Variants in SDK1 observed in about 807,000 individuals in gnomAD.
SDK1 encodes protein sidekick-1.
In SDK1, 157 loss-of-function variants were observed where a neutral mutation model predicts 245.5. The ratio of observed to expected loss-of-function variants is 0.64; its 90% CI spans 0.56 to 0.73. The LOEUF (loss-of-function observed/expected upper bound fraction) is 0.73. Ranked by LOEUF, SDK1 falls within the 30% of genes least tolerant of loss-of-function variation. The pLI, the probability that SDK1 is intolerant of heterozygous loss-of-function variation, is 0.00. For synonymous variants in SDK1, 1,647 were observed against 1,278.5 expected (o/e 1.29, Z -6.15); for missense variants, 3,583 against 3,002.3 (o/e 1.19, Z -4.52).
At chr7:3,329,255 G>A (rs919494343) in intron 1 of SDK1, among the ~76,000 whole-genome samples, 11 of 152,090 alleles carry the variant, frequency 7.2e-5, no homozygotes, top group African/African-American at 2.7e-4. Flanking sequence ...ACGTCCATGA[G>A]GCACTCTTTG....
intron 16 of SDK1, among the ~76,000 whole-genome samples, chr7:4,015,070 TGTATATATATTTAGGGA>T (rs1358066012): frequency 6.6e-6 from 1 of 152,158 alleles, no homozygotes; most frequent in African/African-American, 2.4e-5. Flanking sequence ...TGTTTAAAAA[TGTATATATATTTAGGGA>T]GTGCTTTACA....
chr7:3,590,111 A>G (rs1780816800), intron 1 of SDK1, among the ~76,000 whole-genome samples: 1 of 152,206 alleles, frequency 6.6e-6, no homozygotes, highest in Non-Finnish European at 1.5e-5. Context: ...ACAGACTTAT[A>G]AAATGGAAAA....
At chr7:4,220,891 C>G (rs370276867) in intron 39 of SDK1, among the ~76,000 whole-genome samples, 3 of 135,948 alleles carry the variant, frequency 2.2e-5, no homozygotes, top group African/African-American at 8.0e-5. Flanking sequence ...CCCCACCCCC[C>G]ACCCCGCCTC....
chr7:3,869,448 G>C (rs35858244), intron 5 of SDK1, among the ~76,000 whole-genome samples: 1 of 152,028 alleles, frequency 6.6e-6, no homozygotes, highest in African/African-American at 2.4e-5. Context: ...GAGCCACCAC[G>C]CCTGGCCTGT....
At chr7:3,419,392 T>C (rs1288893449) in intron 1 of SDK1, among the ~76,000 whole-genome samples, 1 of 152,182 alleles carries the variant, frequency 6.6e-6, no homozygotes, top group East Asian at 1.9e-4. Context: ...CTCTGCCCTT[T>C]TGCTCATGTT....
chr7:3,860,102 A>G lies in SDK1; in HGVS notation c.847+38519A>G, dbSNP rs556722180. Among the ~76,000 whole-genome samples, 9 of 152,054 alleles carry G rather than the reference A, an allele frequency of 5.9e-5. No individual in the cohort carries two copies. In the South Asian group the frequency reaches 1.9e-3, roughly 32 times the overall value. On this transcript the variant is annotated intron_variant, in intron 5 of 44. Coordinates refer to ENST00000404826, the MANE Select transcript of SDK1 (RefSeq NM_152744.4). Reference sequence around the variant, plus strand: ...TCCTGGCTAAGTTTTTTGTATTTTTAGTAGGGTCGGGGTTTCACCAAGTTA... The same window carrying G: ...TCCTGGCTAAGTTTTTTGTATTTTTGGTAGGGTCGGGGTTTCACCAAGTTA...
At chr7:3,813,962 T>C (rs1165405584) in intron 4 of SDK1, among the ~76,000 whole-genome samples, 2 of 131,772 alleles carry the variant, frequency 1.5e-5, no homozygotes, top group Non-Finnish European at 3.1e-5. Context: ...TGGGGTTGTT[T>C]GTTTTTTTCT....
At chr7:3,982,888 T>C (rs1210890350) in intron 13 of SDK1, among the ~76,000 whole-genome samples, 2 of 151,120 alleles carry the variant, frequency 1.3e-5, no homozygotes, top group South Asian at 2.1e-4. Flanking sequence ...GATCACAATA[T>C]CAATATTAAC....
rs71029682 is a variant in SDK1, at chr7:3,582,683, T to TAAAAAAAAAAAAAAAAAAAAAAA, written c.299-36393_299-36371dup. ...ATGTAGCCCTGAACCTAAACTAAAG[T>TAAAAAAAAAAAAAAAAAAAAAAA]AAAAAAAAAAAAAAAAAAAAAAAAA... is the stretch of plus-strand genomic sequence containing the variant. On this transcript the variant is annotated intron_variant, in intron 1 of 44. Transcript: ENST00000404826. Among the ~76,000 whole-genome samples, 83 of 69,680 alleles carry TAAAAAAAAAAAAAAAAAAAAAAA rather than the reference T, an allele frequency of 1.2e-3. 4 individuals carry two copies. Among genetic ancestry groups the TAAAAAAAAAAAAAAAAAAAAAAA allele is most frequent in the South Asian group, 2.2e-3 (3 of 1,386 alleles). The allele number at this position is 69,680 out of a possible 152,430, so 45.7% of individuals were successfully genotyped here.
chr7:4,183,068 G>C (rs1248672111), intron 35 of SDK1, among the ~76,000 whole-genome samples: 3 of 152,176 alleles, frequency 2.0e-5, no homozygotes, highest in Non-Finnish European at 4.4e-5. Context: ...AGTGGGTGCT[G>C]CTGATTGGCT....
intron 5 of SDK1, among the ~76,000 whole-genome samples, chr7:3,866,599 A>G (rs866423862): frequency 6.6e-6 from 1 of 152,148 alleles, no homozygotes; most frequent in African/African-American, 2.4e-5. Flanking sequence ...GCATGCACGC[A>G]CTAGTTTTCA....
intron 22 of SDK1, among the ~76,000 whole-genome samples, chr7:4,088,094 C>T (rs1159791731): frequency 1.3e-5 from 2 of 152,178 alleles, no homozygotes; most frequent in South Asian, 4.1e-4. Flanking sequence ...GGATTACCTG[C>T]CGAGGTCACA....
At position 3,561,598 on chromosome 7, in the gene SDK1, A is replaced by G. The variant is rs376680949; in HGVS notation, c.299-57482A>G. ...TCAGGTGTGATTCCTGGCACATGGT[A>G]AATGCTCAGTAAATAATTTCTGAAT... On this transcript the variant is annotated intron_variant, in intron 1 of 44. Coordinates refer to ENST00000404826, the MANE Select transcript of SDK1 (RefSeq NM_152744.4). Among the ~76,000 whole-genome samples, 20 of 152,292 alleles carry G rather than the reference A, an allele frequency of 1.3e-4. No individual in the cohort carries two copies. In the South Asian group the frequency reaches 2.3e-3, roughly 17 times the overall value.
chr7:4,266,676 C>T lies in SDK1; in HGVS notation c.*1292C>T. On this transcript the variant is annotated 3_prime_UTR_variant, in exon 45 of 45. Coordinates refer to ENST00000404826, the MANE Select transcript of SDK1 (RefSeq NM_152744.4). ...CTTAACAGCTCAGAGATGGCCATGC[C>T]TCCAGCCCCTCACGTCATCTTTGCA... The T allele has an allele frequency of 1.0e-6, 1 of 985,492 alleles. No homozygotes were observed. The highest frequency in any genetic ancestry group is 1.2e-6 in the Non-Finnish European group (1 of 829,948). The allele number at this position is 985,492 out of a possible 1,614,324, so 61.0% of individuals were successfully genotyped here.
At chr7:4,050,139 T>C (rs936194035) in intron 18 of SDK1, among the ~76,000 whole-genome samples, 8 of 152,208 alleles carry the variant, frequency 5.3e-5, no homozygotes, top group Non-Finnish European at 1.2e-4. Context: ...TCGTCTTTAA[T>C]AGACGATGGA....
At chr7:3,920,419 G>T (rs1050844289) in intron 5 of SDK1, among the ~76,000 whole-genome samples, 3 of 152,094 alleles carry the variant, frequency 2.0e-5, no homozygotes, top group African/African-American at 7.2e-5. Context: ...CAAGGTCAGC[G>T]GGATTTATGA....
At chr7:3,823,980 A>G (rs1386601805) in intron 5 of SDK1, among the ~76,000 whole-genome samples, 3 of 142,584 alleles carry the variant, frequency 2.1e-5, no homozygotes, top group Non-Finnish European at 4.6e-5. Context: ...TTTTTCTGCT[A>G]AAAGTTTTAT....
chr7:3,593,262 A>G (rs925909054), intron 1 of SDK1, among the ~76,000 whole-genome samples: 3 of 152,134 alleles, frequency 2.0e-5, no homozygotes, highest in African/African-American at 4.8e-5. Flanking sequence ...TTATTTCTAC[A>G]TAGAAGCACT....
At chr7:4,246,412 C>G (rs1786865378) in intron 44 of SDK1, among the ~76,000 whole-genome samples, 1 of 152,108 alleles carries the variant, frequency 6.6e-6, no homozygotes, top group African/African-American at 2.4e-5. Flanking sequence ...GAGGCCCATT[C>G]TCTCTCCATT....
Sources: allele counts gnomAD v4.1 joint callset (sites outside exome capture counted in the v4.1 genomes callset), GRCh38; gene constraint gnomAD v4.1.1; transcripts MANE v1.5; gene names NCBI Gene and HGNC (gene_info 2026-07-23, HGNC 2026-07-21).